The following BAZ2B variants were observed in gnomAD, a reference collection of about 807,000 sequenced individuals.
BAZ2B encodes the protein bromodomain adjacent to zinc finger domain protein 2B.
In BAZ2B, 91 loss-of-function variants were observed where a neutral mutation model predicts 246.0. The ratio of observed to expected loss-of-function variants is 0.37; its 90% confidence interval spans 0.31 to 0.44. BAZ2B has a LOEUF of 0.44. Ranked by LOEUF, BAZ2B falls within the 20% of genes least tolerant of loss-of-function variation. BAZ2B has a pLI of 1.00. For missense variants in BAZ2B, 2,332 were observed against 2,533.7 expected, an observed-to-expected ratio of 0.92 and a Z score of 1.71; for synonymous variants, 855 against 860.0, an observed-to-expected ratio of 0.99 and a Z score of 0.10.
At chr2:159,396,106 A>T in intron 19 of BAZ2B, 1 of 264,308 alleles carries the variant, frequency 3.8e-6, no homozygotes, top group East Asian at 7.5e-5. Context: ...AGATTTACTT[A>T]TGGTCAGTTG....
At chr2:159,673,383 A>G in the BAZ2B span, among the ~76,000 whole-genome samples, 1 of 152,224 alleles carries the variant, frequency 6.6e-6, no homozygotes, top group Non-Finnish European at 1.5e-5. Flanking sequence ...CTGTGAGGAA[A>G]TAGGAACTTA....
the BAZ2B span, among the ~76,000 whole-genome samples, chr2:159,647,117 C>A: frequency 6.6e-6 from 1 of 152,132 alleles, no homozygotes; most frequent in Non-Finnish European, 1.5e-5. Flanking sequence ...GAACCCCACA[C>A]CTTGGATCCA....
intron 25 of BAZ2B, among the ~76,000 whole-genome samples, chr2:159,376,968 A>G (rs150078805): frequency 4.9e-4 from 74 of 152,306 alleles, no homozygotes; most frequent in African/African-American, 1.8e-3. Flanking sequence ...ATATGTCCCT[A>G]TATGTCAGAG....
At chr2:159,315,475 T>G (rs2062020288), downstream of BAZ2B, among the ~76,000 whole-genome samples, 2 of 152,172 alleles carry the variant, frequency 1.3e-5, no homozygotes. Context: ...GGCTAAAGGA[T>G]CCACTTCTAA....
At chr2:159,454,871 A>G (rs17577802) in intron 3 of BAZ2B, among the ~76,000 whole-genome samples, 31,051 of 152,108 alleles carry the variant, frequency 0.2, 3,604 homozygotes, top group South Asian at 0.33. Flanking sequence ...ATTTTTAAAG[A>G]TAAGTGTTAT....
In BAZ2B at chr2:159,349,130, T is replaced by C; in HGVS notation, c.5014A>G (p.Asn1672Asp). 1.2e-6 allele frequency: 2 copies of C among 1,614,110 alleles called. No individual in the cohort carries two copies. The highest frequency in any genetic ancestry group is 1.3e-5 in the African/African-American group (1 of 75,046). The change falls in exon 29 of 37, where the codon AAT becomes GAT. Residue 1672 changes from asparagine to aspartate, a missense_variant. Asn to Asp is a conservative substitution (Grantham distance 23, BLOSUM62 1). This residue lies in a region of BAZ2B where 676 missense variants were observed against 668.6 expected (regional missense o/e 1.01). Coordinates refer to ENST00000392783, the MANE Select transcript of BAZ2B (RefSeq NM_013450.4). ...GATTCACTTTTACTTGAAGCAACAT[T>C]GGAAGTCAAGAATGAATTACCATTT... ...EGNGNSFLTS[N>D]VASSKSESPV... is the part of the protein sequence containing the mutation.
chr2:159,623,709 T>A, the BAZ2B span, among the ~76,000 whole-genome samples: 1 of 152,240 alleles, frequency 6.6e-6, no homozygotes, highest in Non-Finnish European at 1.5e-5. Context: ...TGTGTTTATT[T>A]TATTTTTGCT....
chr2:159,588,274 C>T (rs1027641232), intron 1 of BAZ2B, among the ~76,000 whole-genome samples: 1 of 150,602 alleles, frequency 6.6e-6, no homozygotes, highest in Non-Finnish European at 1.5e-5. Flanking sequence ...AACACCTTAC[C>T]ATTATATAAC....
At chr2:159,463,270 C>T in intron 3 of BAZ2B, 1 of 386,056 alleles carries the variant, frequency 2.6e-6, no homozygotes, top group East Asian at 5.8e-5. Flanking sequence ...GGGCTGTTCT[C>T]AACATTTATA....
At chr2:159,577,535 T>C (rs553716727) in intron 1 of BAZ2B, among the ~76,000 whole-genome samples, 7 of 152,346 alleles carry the variant, frequency 4.6e-5, no homozygotes, top group Middle Eastern at 6.8e-3. Flanking sequence ...AGGATACCAG[T>C]TCTTGGTCCA....
the BAZ2B span, among the ~76,000 whole-genome samples, chr2:159,624,597 C>G: frequency 6.6e-6 from 1 of 152,172 alleles, no homozygotes; most frequent in Non-Finnish European, 1.5e-5. Flanking sequence ...AGGGGCCTGA[C>G]TGTTGGAAGG....
At position 159,448,412 on chromosome 2, in the gene BAZ2B, C is replaced by T; in HGVS notation, c.335-3G>A. The T allele has an allele frequency of 6.5e-7, 1 of 1,541,224 alleles. No homozygotes were observed. Among genetic ancestry groups the T allele is most frequent in the Non-Finnish European group, 8.7e-7 (1 of 1,149,904 alleles). ...AGTTGTTCGCCACCATTCTGCACCT[C>T]AAAACCAAACAAACCAACCAAACAA... On this transcript the variant is annotated splice_region_variant and splice_polypyrimidine_tract_variant and intron_variant, in intron 4 of 36. Transcript: ENST00000392783.
intron 4 of BAZ2B, among the ~76,000 whole-genome samples, chr2:159,448,648 T>G (rs532111107): frequency 6.6e-6 from 1 of 152,324 alleles, no homozygotes; most frequent in Non-Finnish European, 1.5e-5. Context: ...AGTTCAAACT[T>G]GTAAAGGACA....
chr2:159,517,481 T>A (rs1310329111), intron 2 of BAZ2B, among the ~76,000 whole-genome samples: 1 of 152,092 alleles, frequency 6.6e-6, no homozygotes, highest in Non-Finnish European at 1.5e-5. Context: ...TTCATAAAAT[T>A]TGCATTTATC....
chr2:159,692,393 G>A, the BAZ2B span, among the ~76,000 whole-genome samples: 8 of 152,132 alleles, frequency 5.3e-5, no homozygotes, highest in East Asian at 1.2e-3. Flanking sequence ...CCTGACCTCA[G>A]GTGATCTGTC....
At chr2:159,627,195 A>G in the BAZ2B span, among the ~76,000 whole-genome samples, 1 of 152,130 alleles carries the variant, frequency 6.6e-6, no homozygotes, top group Non-Finnish European at 1.5e-5. Context: ...CACACAAAAA[A>G]AGTCCAGGAC....
At chr2:159,559,180 G>C (rs1253434012) in intron 1 of BAZ2B, among the ~76,000 whole-genome samples, 1 of 152,060 alleles carries the variant, frequency 6.6e-6, no homozygotes, top group African/African-American at 2.4e-5. Flanking sequence ...AGGAGGTCAA[G>C]GCTGCAGTGA....
chr2:159,685,939 A>C, the BAZ2B span, among the ~76,000 whole-genome samples: 1 of 152,170 alleles, frequency 6.6e-6, no homozygotes, highest in Non-Finnish European at 1.5e-5. Context: ...TCCAAAGAAA[A>C]GAACAAGAAA....
At chr2:159,493,693 T>C (rs2080758380) in intron 2 of BAZ2B, among the ~76,000 whole-genome samples, 1 of 152,234 alleles carries the variant, frequency 6.6e-6, no homozygotes, top group African/African-American at 2.4e-5. Flanking sequence ...GCTTAAACTA[T>C]TCACTCAGAA....
Sources: allele counts gnomAD v4.1 joint callset (sites outside exome capture counted in the v4.1 genomes callset), GRCh38; gene constraint gnomAD v4.1.1; regional missense constraint gnomAD v4.1.1; transcripts MANE v1.5; gene names NCBI Gene and HGNC (gene_info 2026-07-23, HGNC 2026-07-21).